ZNF234: variants seen among roughly 807,000 people sequenced by gnomAD.
ZNF234 encodes zinc finger protein 234, also known as C2-H2 type zinc finger protein.
A neutral mutation model predicts 10.3 loss-of-function variants in ZNF234; 4 were observed. The observed-to-expected ratio is 0.39, with a 90% confidence interval of 0.19 to 0.89. The LOEUF is 0.89. Ranked by LOEUF, ZNF234 falls within the 40% of genes least tolerant of loss-of-function variation. The pLI is 0.38. For synonymous variants in ZNF234, 258 were observed against 280.1 expected (o/e 0.92, Z 0.79); for missense variants, 711 against 836.1 (o/e 0.85, Z 1.85).
At position 44,153,074 on chromosome 19, in the gene ZNF234, T is replaced by G. The variant is rs139360895; in HGVS notation, c.235+2569T>G. Among the ~76,000 whole-genome samples, 356 of 151,048 alleles carry G rather than the reference T, an allele frequency of 2.4e-3. 3 individuals carry two copies. The highest frequency in any genetic ancestry group is 0.01 in the Middle Eastern group (3 of 288). ...TGGGAAAAATGAAGAAACTTCTTGC[T>G]CAAAATTGTCACATCATCATAGAGA... On this transcript the variant is annotated intron_variant, in intron 5 of 5. Transcript: ENST00000426739.
intron 5 of ZNF234, among the ~76,000 whole-genome samples, chr19:44,154,283 G>C (rs1337889062): frequency 1.3e-5 from 2 of 149,632 alleles, no homozygotes; most frequent in African/African-American, 2.5e-5. Context: ...TCTCAATTGT[G>C]AAAGATTGGA....
At chr19:44,153,400 T>C (rs528712626) in intron 5 of ZNF234, among the ~76,000 whole-genome samples, 91 of 152,078 alleles carry the variant, frequency 6.0e-4, no homozygotes, top group African/African-American at 2.0e-3. Flanking sequence ...TCTGTATAGA[T>C]TGATATTATA....
rs374655044 is a variant in ZNF234 at position 44,144,593 on chromosome 19, T to G, written c.-40T>G. 3 of 1,502,564 alleles carry G rather than the reference T, an allele frequency of 2.0e-6. No individual in the cohort carries two copies. The highest frequency in any genetic ancestry group is 2.7e-6 in the Non-Finnish European group (3 of 1,119,824). 93.1% of individuals were successfully genotyped at this position (1,502,564 alleles called of 1,614,324 possible). On this transcript the variant is annotated 5_prime_UTR_variant, in exon 3 of 6. The change abolishes the stop of an existing upstream ORF in the 5' untranslated region. Transcript: ENST00000426739. ...CGATTCTGCCTTCTCTCAAATGGCA[T>G]AACTCAGGACTCTGCAAATTCCCAG...
chr19:44,150,824 A>C (rs1388914638), intron 5 of ZNF234, among the ~76,000 whole-genome samples: 4 of 152,108 alleles, frequency 2.6e-5, no homozygotes, highest in African/African-American at 7.2e-5. Flanking sequence ...CAGGAGGATC[A>C]GGAGTTTGAG....
chr19:44,152,390 G>T lies in ZNF234; in HGVS notation c.235+1885G>T, dbSNP rs564891815. Among the ~76,000 whole-genome samples the T allele has an allele frequency of 2.6e-5, 4 of 152,324 alleles. No individual in the cohort carries two copies. In the South Asian group the frequency reaches 8.3e-4, roughly 32 times the overall value. On this transcript the variant is annotated intron_variant, in intron 5 of 5. Transcript: ENST00000426739. ...GGATGGATGTGACCTCACTCTAGGGGTCTTGCAGCTAGGACAGGTCATACA... is the reference window on the plus strand; with the variant it reads ...GGATGGATGTGACCTCACTCTAGGGTTCTTGCAGCTAGGACAGGTCATACA...
intron 3 of ZNF234, among the ~76,000 whole-genome samples, chr19:44,146,839 A>T (rs1968609472): frequency 8.8e-6 from 1 of 114,088 alleles, no homozygotes; most frequent in Non-Finnish European, 1.7e-5. Context: ...TTTTTGAGAC[A>T]GAGTCTGGCT....
intron 3 of ZNF234, among the ~76,000 whole-genome samples, chr19:44,145,442 A>C (rs529044928): frequency 6.6e-6 from 1 of 152,328 alleles, no homozygotes; most frequent in African/African-American, 2.4e-5. Context: ...ATCAATTCTG[A>C]AAACTTTCTG....
Position 44,156,421 on chromosome 19 carries a change from G to A in ZNF234, c.405G>A (p.Arg135=). 1.2e-6 allele frequency: 2 copies of A among 1,613,594 alleles called. No individual in the cohort carries two copies. Among genetic ancestry groups the A allele is most frequent in the East Asian group, 4.5e-5 (2 of 44,884 alleles). ...PRQGDLSCQV[R]AGLYTTHTGQ... is the part of the protein sequence containing the mutation. ...AAGGTGATTTGTCCTGCCAGGTTAG[G>A]GCAGGACTATATACAACTCACACAG... The change falls in exon 6 of 6, where the codon AGG becomes AGA. Residue 135 remains arginine, a synonymous_variant. Coordinates refer to ENST00000426739, the MANE Select transcript of ZNF234 (RefSeq NM_006630.3).
Position 44,152,313 on chromosome 19 carries a change from A to G in ZNF234, c.235+1808A>G, listed in dbSNP as rs978843729. Among the ~76,000 whole-genome samples the G allele has an allele frequency of 3.3e-5, 5 of 152,312 alleles. No individual in the cohort carries two copies. The South Asian group carries it at 1.0e-3, about 32-fold the overall frequency. The stretch of plus-strand genomic sequence containing the variant: ...ATCAGTGCCTAAATAGTCCTGTTAC[A>G]TGGCAGATATCTGTTAATATAAATA... On this transcript the variant is annotated intron_variant, in intron 5 of 5. Transcript: ENST00000426739.
rs756423016 is a variant in ZNF234, at chr19:44,148,906, A to G, written c.142+9A>G. The G allele has an allele frequency of 5.0e-6, 8 of 1,611,460 alleles. No homozygotes were observed. Among genetic ancestry groups the G allele is most frequent in the Non-Finnish European group, 6.8e-6 (8 of 1,178,600 alleles). Reference sequence around the variant, plus strand: ...GAACCTGCTGTCAGTGGGTGAGGACATGAGCTTTCTAACACTCAATGTCAG... The same window carrying G: ...GAACCTGCTGTCAGTGGGTGAGGACGTGAGCTTTCTAACACTCAATGTCAG... On this transcript the variant is annotated intron_variant, in intron 4 of 5. Coordinates refer to ENST00000426739, the MANE Select transcript of ZNF234 (RefSeq NM_006630.3).
chr19:44,150,668 G>A (rs529090380), intron 5 of ZNF234, among the ~76,000 whole-genome samples, 163 bp downstream of exon 5: 1 of 152,226 alleles, frequency 6.6e-6, no homozygotes, highest in Non-Finnish European at 1.5e-5. Flanking sequence ...ATAGTATAAA[G>A]TATGTTCTCC....
chr19:44,142,530 TA>T (rs1167614793), intron 2 of ZNF234, among the ~76,000 whole-genome samples, 163 bp downstream of exon 2: 3 of 152,168 alleles, frequency 2.0e-5, no homozygotes, highest in Non-Finnish European at 4.4e-5. Context: ...TGTGGAGAGG[TA>T]CTGGTCATCC....
chr19:44,144,576 C>T lies in ZNF234; in HGVS notation c.-57C>T, dbSNP rs12609485. On this transcript the variant is annotated 5_prime_UTR_variant, in exon 3 of 6. Coordinates refer to ENST00000426739, the MANE Select transcript of ZNF234 (RefSeq NM_006630.3). ...CCATAGTGTTCCAGGCACGATTCTGCCTTCTCTCAAATGGCATAACTCAGG... is the reference window on the plus strand; with the variant it reads ...CCATAGTGTTCCAGGCACGATTCTGTCTTCTCTCAAATGGCATAACTCAGG... 1,894 of 1,467,782 alleles carry T rather than the reference C, an allele frequency of 1.3e-3. 34 individuals carry two copies. In the East Asian group the frequency reaches 0.039, roughly 30 times the overall value. 90.9% of individuals were successfully genotyped at this position (1,467,782 alleles called of 1,614,324 possible). A position where few individuals can be genotyped will look rare whatever the true frequency, so the allele number is the denominator to read the frequency against.
At position 44,157,542 on chromosome 19, in the gene ZNF234, A is replaced by C. The variant is rs1968932198; in HGVS notation, c.1526A>C (p.Glu509Ala). The C allele has an allele frequency of 6.2e-7, 1 of 1,614,076 alleles. No individual in the cohort carries two copies. Among genetic ancestry groups the C allele is most frequent in the African/African-American group, 1.3e-5 (1 of 74,922 alleles). Residue 509 changes from glutamate (E) to alanine (A), a missense_variant, in exon 6 of 6, where the codon GAG becomes GCG. By Grantham distance (107) the Glu-to-Ala change is moderately radical (BLOSUM62 -1). Coordinates refer to ENST00000426739, the MANE Select transcript of ZNF234 (RefSeq NM_006630.3). The part of the protein sequence containing the change: ...LKIHCRIHTG[E>A]KPYNCEECGK... ...ATTCATTGTAGGATCCACACAGGGG[A>C]GAAACCATATAATTGTGAGGAGTGT...
intron 4 of ZNF234, among the ~76,000 whole-genome samples, chr19:44,149,508 CTGT>C (rs1268339890): frequency 1.3e-5 from 2 of 152,110 alleles, no homozygotes; most frequent in East Asian, 3.9e-4. Context: ...AACAGTTTTT[CTGT>C]TGTTTGAGAT....
In ZNF234 at chr19:44,156,461, C is replaced by T. The variant is rs1968885139; in HGVS notation, c.445C>T (p.Gln149Ter). ...AACTCACACAGGACAGAAATTTTAC[C>T]AATGTGATGAGTACAAAAAATCCTT... is the stretch of plus-strand genomic sequence containing the variant. ...YTTHTGQKFY[Q>*]CDEYKKSFTD... is the part of the protein sequence containing the mutation. The change falls in exon 6 of 6, where the codon CAA becomes TAA. Residue 149 changes from glutamine to a stop codon, truncating the protein, a stop_gained. Coordinates refer to ENST00000426739, the MANE Select transcript of ZNF234 (RefSeq NM_006630.3). LOFTEE classifies it low-confidence loss of function (END_TRUNC). 4 of 1,613,664 alleles carry T rather than the reference C, an allele frequency of 2.5e-6. No individual in the cohort carries two copies. In the East Asian group the frequency reaches 8.9e-5, roughly 36 times the overall value.
In ZNF234 at chr19:44,147,427, A is replaced by G. The variant is rs142552937; in HGVS notation, c.16-1344A>G. On this transcript the variant is annotated intron_variant, in intron 3 of 5. Transcript: ENST00000426739. Reference sequence around the variant, plus strand: ...AATTTTTTGTACTTTTTGTAGAGACAGGGTCTCACCATGTTGCCCAGGCTG... The same window carrying G: ...AATTTTTTGTACTTTTTGTAGAGACGGGGTCTCACCATGTTGCCCAGGCTG... Among the ~76,000 whole-genome samples the G allele has an allele frequency of 2.4e-3, 363 of 151,384 alleles. 3 individuals carry two copies. The highest frequency in any genetic ancestry group is 0.01 in the Middle Eastern group (3 of 290).
At chr19:44,156,162 A>C in intron 5 of ZNF234, 90 bp from the exon 6 acceptor site, 3 of 1,216,280 alleles carry the variant, frequency 2.5e-6, no homozygotes, top group Non-Finnish European at 3.5e-6. Flanking sequence ...CCTTCTCTGG[A>C]TTTGTTAAAA....
intron 2 of ZNF234, among the ~76,000 whole-genome samples, chr19:44,144,132 C>G (rs1191368049): frequency 6.6e-6 from 1 of 152,106 alleles, no homozygotes; most frequent in Non-Finnish European, 1.5e-5. Flanking sequence ...TTTTCATCCC[C>G]CAATTGGACT....
Sources: allele counts gnomAD v4.1 joint callset (sites outside exome capture counted in the v4.1 genomes callset), GRCh38; gene constraint gnomAD v4.1.1; transcripts MANE v1.5; gene names NCBI Gene and HGNC (gene_info 2026-07-23, HGNC 2026-07-21).